Variants in HERC1 observed in about 807,000 individuals in gnomAD.
HERC1 encodes the protein probable E3 ubiquitin-protein ligase HERC1.
HERC1 carries 160 observed loss-of-function variants against 554.3 expected under a neutral mutation model. The ratio of observed to expected loss-of-function variants is 0.29; its 90% confidence interval spans 0.25 to 0.33. The LOEUF is 0.33. HERC1 is among the 10% of genes least tolerant of loss of function. The pLI, the probability that HERC1 is intolerant of heterozygous loss-of-function variation, is 1.00. For missense variants in HERC1, 4,919 were observed against 5,918.5 expected (o/e 0.83, Z 5.54); for synonymous variants, 2,175 against 2,131.7 (o/e 1.02, Z -0.56).
chr15:63,718,888 C>A lies in HERC1; in HGVS notation c.3752G>T (p.Ser1251Ile), dbSNP rs1001193948. 1 of 1,590,986 alleles carries A rather than the reference C, an allele frequency of 6.3e-7. No individual in the cohort carries two copies. The highest frequency in any genetic ancestry group is 8.6e-7 in the Non-Finnish European group (1 of 1,165,354). Reference sequence around the variant, plus strand: ...GAGTGACTCATTACTTAAAGTTGCACTGTCCCAATCTGAAAATAAAAATGA... The same window carrying A: ...GAGTGACTCATTACTTAAAGTTGCAATGTCCCAATCTGAAAATAAAAATGA... ...QDYAVSKDWD[S>I]ATLSNESLLD... The change falls in exon 20 of 78, where the codon AGT becomes ATT. Residue 1251 changes from serine to isoleucine, a missense_variant. Ser to Ile is a moderately radical substitution (Grantham distance 142). Transcript: ENST00000443617. The surrounding 1 kb of genome is among the most constrained non-coding windows in gnomAD (Gnocchi z 4.2).
At chr15:63,733,887 C>G (rs1234868823) in intron 13 of HERC1, among the ~76,000 whole-genome samples, 2 of 151,344 alleles carry the variant, frequency 1.3e-5, no homozygotes, top group Admixed American at 6.6e-5. Flanking sequence ...ATGGACCAGG[C>G]ATAGTGGTCT....
chr15:63,640,995 C>A (rs921175801), intron 60 of HERC1, among the ~76,000 whole-genome samples: 1 of 152,196 alleles, frequency 6.6e-6, no homozygotes, highest in Non-Finnish European at 1.5e-5. Context: ...TGCAATTCCT[C>A]ATTCCAGTAT....
At position 63,755,456 on chromosome 15, in the gene HERC1, T is replaced by C. The variant is rs944765890; in HGVS notation, c.1534-131A>G. On this transcript the variant is annotated intron_variant, in intron 5 of 77. Coordinates refer to ENST00000443617, the MANE Select transcript of HERC1 (RefSeq NM_003922.4). ...ATCCAGGAATTTCCAGGTACAGTTG[T>C]GGAGGCTGTGTTCAGGCCAAGGATG... is the stretch of plus-strand genomic sequence containing the variant. 6.9e-6 allele frequency: 5 copies of C among 727,136 alleles called. No homozygotes were observed. In the African/African-American group the frequency reaches 7.0e-5, roughly 10 times the overall value. 45.0% of individuals were successfully genotyped at this position (727,136 alleles called of 1,614,324 possible). A position where few individuals can be genotyped will look rare whatever the true frequency, so the allele number is the denominator to read the frequency against.
intron 12 of HERC1, among the ~76,000 whole-genome samples, chr15:63,741,675 T>C (rs2074814160): frequency 6.6e-6 from 1 of 152,180 alleles, no homozygotes; most frequent in Non-Finnish European, 1.5e-5. Flanking sequence ...TTTTTGTATA[T>C]GATGTAAGGG....
intron 40 of HERC1, among the ~76,000 whole-genome samples, chr15:63,667,311 CT>C (rs972386151): frequency 3.2e-4 from 48 of 152,012 alleles, no homozygotes; most frequent in Non-Finnish European, 5.4e-4. Flanking sequence ...TCATAATAAC[CT>C]TTTAGAACAT....
At chr15:63,728,274 T>G (rs1418311170) in intron 16 of HERC1, among the ~76,000 whole-genome samples, 1 of 152,244 alleles carries the variant, frequency 6.6e-6, no homozygotes, top group Non-Finnish European at 1.5e-5. Flanking sequence ...AGTGAGGGAA[T>G]GCTTTCATAT....
intron 26 of HERC1, among the ~76,000 whole-genome samples, chr15:63,697,247 G>A (rs2072470422): frequency 6.6e-6 from 1 of 151,852 alleles, no homozygotes; most frequent in Non-Finnish European, 1.5e-5. Context: ...CTCCTACCCT[G>A]TGACAGATTC....
chr15:63,632,656 G>T, intron 68 of HERC1, 53 bp downstream of exon 68: 2 of 1,162,770 alleles, frequency 1.7e-6, no homozygotes, highest in Non-Finnish European at 2.5e-6. Context: ...ACACTGGAAG[G>T]CCAATGTTTA....
chr15:63,733,995 G>A (rs888343158), intron 13 of HERC1, among the ~76,000 whole-genome samples: 31 of 151,650 alleles, frequency 2.0e-4, no homozygotes, highest in African/African-American at 3.2e-4. Context: ...AGACCCCACC[G>A]CTATAAAAAT....
At chr15:63,682,639 G>A (rs2071536223) in intron 34 of HERC1, among the ~76,000 whole-genome samples, 1 of 152,068 alleles carries the variant, frequency 6.6e-6, no homozygotes, top group Non-Finnish European at 1.5e-5. Context: ...AACAAGAATA[G>A]AAAGGAACTA....
chr15:63,796,523 T>C lies in HERC1; in HGVS notation c.-26-20874A>G, dbSNP rs1406759120. ...AGACTGTAAACCAAAAATAGCTGAGTTAGGTCTCAATCAATTTAGAAAGTT... is the reference window on the plus strand; with the variant it reads ...AGACTGTAAACCAAAAATAGCTGAGCTAGGTCTCAATCAATTTAGAAAGTT... On this transcript the variant is annotated intron_variant, in intron 1 of 77. Coordinates refer to ENST00000443617, the MANE Select transcript of HERC1 (RefSeq NM_003922.4). 3.3e-5 allele frequency among the ~76,000 whole-genome samples: 5 copies of C among 152,304 alleles called. No individual in the cohort carries two copies. The East Asian group carries it at 9.6e-4, about 29-fold the overall frequency.
intron 12 of HERC1, among the ~76,000 whole-genome samples, chr15:63,740,121 GC>G (rs547382216): frequency 3.8e-4 from 58 of 152,168 alleles, no homozygotes; most frequent in African/African-American, 1.3e-3. Flanking sequence ...ATTTGGCCAG[GC>G]TGGTCTCAAA....
intron 74 of HERC1, among the ~76,000 whole-genome samples, chr15:63,617,470 C>T (rs572999458): frequency 8.5e-5 from 13 of 152,282 alleles, no homozygotes; most frequent in African/African-American, 1.2e-4. Context: ...AATAAACATA[C>T]GTGTGCATGT....
rs1476565093 is a variant in HERC1 at position 63,659,944 on chromosome 15, T to TTAAA, written c.9224-12_9224-9dup. ...CCAACATGTCCCAGTCTTCTGGAAT[T>TTAAA]TAAATAAATAAATGTATAGTATGTG... On this transcript the variant is annotated splice_polypyrimidine_tract_variant and intron_variant, in intron 46 of 77. Transcript: ENST00000443617. 1.3e-6 allele frequency: 2 copies of TTAAA among 1,582,198 alleles called. No individual in the cohort carries two copies.
chr15:63,614,631 C>G (rs907305783), intron 76 of HERC1, among the ~76,000 whole-genome samples: 1 of 152,174 alleles, frequency 6.6e-6, no homozygotes, highest in Admixed American at 6.5e-5. Context: ...GCTTCACAGC[C>G]TGAGTCCAGC....
intron 1 of HERC1, among the ~76,000 whole-genome samples, chr15:63,829,475 TATAAATATA>T (rs1567171517): frequency 4.6e-4 from 20 of 43,502 alleles, no homozygotes; most frequent in Middle Eastern, 0.014. Context: ...TATATGTTTA[TATAAATATA>T]TATATATATA....
intron 4 of HERC1, among the ~76,000 whole-genome samples, 190 bp downstream of exon 4, chr15:63,757,985 G>A (rs2075486283): frequency 6.6e-6 from 1 of 152,170 alleles, no homozygotes; most frequent in Middle Eastern, 3.2e-3. Context: ...TGGGATTACA[G>A]GCGTGAGCCA....
intron 12 of HERC1, among the ~76,000 whole-genome samples, chr15:63,744,162 GTGTCTC>G (rs138991623): frequency 0.02 from 703 of 35,496 alleles, no homozygotes; most frequent in Non-Finnish European, 0.044. Flanking sequence ...GTGTGTGTGT[GTGTCTC>G]TCTCTCTCTC....
chr15:63,612,170 AGAGT>A lies in HERC1; in HGVS notation c.14400+77_14400+80del. On this transcript the variant is annotated intron_variant, in intron 77 of 77. Transcript: ENST00000443617. The surrounding 1 kb of genome is among the most constrained non-coding windows in gnomAD (Gnocchi z 5.0). ...GCCACTGCACTCCAGCCTGGGCCAC[AGAGT>A]GAGACCCTGTCTCAACAAAAACAAC... is the stretch of plus-strand genomic sequence containing the variant. 1 of 1,274,212 alleles carries A rather than the reference AGAGT, an allele frequency of 7.8e-7. No individual in the cohort carries two copies. Among genetic ancestry groups the A allele is most frequent in the Non-Finnish European group, 1.1e-6 (1 of 926,226 alleles). 78.9% of individuals were successfully genotyped at this position (1,274,212 alleles called of 1,614,324 possible).
Sources: allele counts gnomAD v4.1 joint callset (sites outside exome capture counted in the v4.1 genomes callset), GRCh38; gene constraint gnomAD v4.1.1; non-coding constraint Gnocchi (gnomAD v3.1); transcripts MANE v1.5; gene names NCBI Gene and HGNC (gene_info 2026-07-23, HGNC 2026-07-21).